CSMD1: variants seen among roughly 807,000 people sequenced by gnomAD.
CSMD1 encodes CUB and Sushi multiple domains 1.
Under a neutral mutation model 417.5 loss-of-function variants are expected in CSMD1, and 213 were observed. The observed-to-expected ratio is 0.51, with a 90% CI of 0.46 to 0.57. The LOEUF is 0.57. Among genes scored for constraint, CSMD1 ranks in the 20% least tolerant of loss-of-function variants. CSMD1 has a pLI of 0.00. For synonymous variants in CSMD1, 2,862 were observed against 1,736.8 expected (o/e 1.65, Z -16.11); for missense variants, 6,923 against 4,529.7 (o/e 1.53, Z -15.17).
intron 2 of CSMD1, among the ~76,000 whole-genome samples, chr8:4,583,149 A>T (rs974241380): frequency 6.6e-6 from 1 of 152,104 alleles, no homozygotes; most frequent in African/African-American, 2.4e-5. Flanking sequence ...AGCCTCCCCA[A>T]CGAGCACCAT....
chr8:3,162,081 G>C, intron 38 of CSMD1, 78 bp downstream of exon 38: 1 of 894,278 alleles, frequency 1.1e-6, no homozygotes, highest in Non-Finnish European at 1.8e-6. Context: ...TGGGTACAAA[G>C]TGAGGGCTTT....
intron 1 of CSMD1, among the ~76,000 whole-genome samples, chr8:4,934,007 T>TAAAAAA (rs1004757937): frequency 0.28 from 41,907 of 150,356 alleles, 7,122 homozygotes; most frequent in Non-Finnish European, 0.39. Flanking sequence ...GCTTTTTTTT[T>TAAAAAA]AAAAAAAAAT....
chr8:3,348,225 A>T (rs1808144590), intron 21 of CSMD1, 64 bp from the exon 22 acceptor site: 2 of 1,276,692 alleles, frequency 1.6e-6, no homozygotes, highest in Non-Finnish European at 1.1e-6. Flanking sequence ...TTAACAGATT[A>T]AAAACTTTAA....
chr8:4,439,885 G>A (rs980014056), intron 2 of CSMD1, among the ~76,000 whole-genome samples: 2 of 152,104 alleles, frequency 1.3e-5, no homozygotes, highest in East Asian at 3.9e-4. Context: ...TCCCAAAAGA[G>A]AATCAACTAC....
chr8:4,030,658 G>A (rs146543712), intron 4 of CSMD1, among the ~76,000 whole-genome samples: 1 of 152,168 alleles, frequency 6.6e-6, no homozygotes, highest in African/African-American at 2.4e-5. Context: ...CCATGGTCTT[G>A]GGGATTAACT....
At chr8:4,116,671 G>T (rs914815611) in intron 3 of CSMD1, among the ~76,000 whole-genome samples, 3 of 151,426 alleles carry the variant, frequency 2.0e-5, no homozygotes, top group Non-Finnish European at 4.4e-5. Context: ...CGACGGCGAT[G>T]TACGAGTGCA....
At chr8:3,843,861 G>C (rs890844929) in intron 5 of CSMD1, among the ~76,000 whole-genome samples, 3 of 152,156 alleles carry the variant, frequency 2.0e-5, no homozygotes, top group African/African-American at 4.8e-5. Context: ...AAAGTAAAGA[G>C]GGACAGATAT....
intron 59 of CSMD1, among the ~76,000 whole-genome samples, chr8:2,963,931 T>A (rs1354164231): frequency 6.6e-6 from 1 of 152,216 alleles, no homozygotes; most frequent in East Asian, 1.9e-4. Context: ...AAGTGTTTCA[T>A]CACAGCCTTG....
intron 6 of CSMD1, among the ~76,000 whole-genome samples, chr8:3,743,962 C>A (rs1476322473): frequency 6.6e-6 from 1 of 152,290 alleles, no homozygotes; most frequent in African/African-American, 2.4e-5. Context: ...CAGACAGAGG[C>A]ATGAATGATT....
chr8:4,568,732 C>T (rs1037371292), intron 2 of CSMD1, among the ~76,000 whole-genome samples: 9 of 152,130 alleles, frequency 5.9e-5, no homozygotes, highest in Admixed American at 6.5e-5. Context: ...TTTACACTCC[C>T]ACCAACAGTG....
intron 51 of CSMD1, among the ~76,000 whole-genome samples, chr8:3,026,380 C>T (rs887565173): frequency 6.6e-6 from 1 of 152,158 alleles, no homozygotes; most frequent in South Asian, 2.1e-4. Flanking sequence ...CTGGACCTCA[C>T]TGGACCTCAC....
At chr8:4,705,171 G>C (rs996710097) in intron 1 of CSMD1, among the ~76,000 whole-genome samples, 1 of 152,058 alleles carries the variant, frequency 6.6e-6, no homozygotes, top group Non-Finnish European at 1.5e-5. Flanking sequence ...CACCATAATT[G>C]TAAGTTTCCT....
chr8:3,708,050 A>G (rs1801277010), intron 7 of CSMD1, among the ~76,000 whole-genome samples: 1 of 152,220 alleles, frequency 6.6e-6, no homozygotes, highest in Non-Finnish European at 1.5e-5. Context: ...GACAAAAACC[A>G]ACTTCTCCTT....
chr8:3,406,902 C>T (rs1330658012), intron 14 of CSMD1, among the ~76,000 whole-genome samples: 2 of 152,158 alleles, frequency 1.3e-5, no homozygotes, highest in Non-Finnish European at 2.9e-5. Context: ...CATACTAGTG[C>T]TGTATTTTAA....
intron 5 of CSMD1, among the ~76,000 whole-genome samples, chr8:3,911,340 A>G (rs1020897990): frequency 6.6e-6 from 1 of 151,820 alleles, no homozygotes; most frequent in African/African-American, 2.4e-5. Flanking sequence ...TATCCTAGCT[A>G]ACACACTGAA....
At chr8:4,261,802 T>C (rs1387759889) in intron 3 of CSMD1, among the ~76,000 whole-genome samples, 6 of 152,180 alleles carry the variant, frequency 3.9e-5, no homozygotes, top group Non-Finnish European at 5.9e-5. Flanking sequence ...TGGTAATCAT[T>C]TCTCAATATA....
chr8:3,379,335 T>C (rs1017384879), intron 18 of CSMD1, among the ~76,000 whole-genome samples: 5 of 152,214 alleles, frequency 3.3e-5, no homozygotes, highest in African/African-American at 9.6e-5. Flanking sequence ...AAGTAATTTA[T>C]AGATTTATTG....
intron 4 of CSMD1, among the ~76,000 whole-genome samples, chr8:4,019,303 C>T (rs1378165832): frequency 6.6e-6 from 1 of 152,166 alleles, no homozygotes; most frequent in East Asian, 1.9e-4. Flanking sequence ...TTATCACAGG[C>T]TTGGAATGTT....
At chr8:4,340,362 G>C (rs1406752395) in intron 3 of CSMD1, among the ~76,000 whole-genome samples, 1 of 151,944 alleles carries the variant, frequency 6.6e-6, no homozygotes, top group South Asian at 2.1e-4. Context: ...CTACACCCTA[G>C]TTAAAAATGT....
Sources: gnomAD v4.1 joint callset for allele counts (sites outside exome capture counted in the v4.1 genomes callset) on GRCh38, gnomAD v4.1.1 for gene constraint, MANE v1.5 for transcripts, NCBI Gene and HGNC (gene_info 2026-07-23, HGNC 2026-07-21) for gene names.